The following ADAM18 variants were observed in gnomAD, a reference collection of about 807,000 sequenced individuals.
ADAM18 encodes the protein ADAM metallopeptidase domain 18.
Under a neutral mutation model 94.4 loss-of-function variants are expected in ADAM18, and 117 were observed. That is an observed-to-expected ratio of 1.24 (90% CI 1.07 to 1.45). ADAM18 has a LOEUF of 1.45. Ranked by LOEUF, ADAM18 falls within the 40% of genes most tolerant of loss-of-function variation. The pLI, the probability that ADAM18 is intolerant of heterozygous loss-of-function variation, is 0.00. For missense variants in ADAM18, 936 were observed against 880.0 expected, an observed-to-expected ratio of 1.06 and a Z score of -0.81; for synonymous variants, 327 against 291.6, an observed-to-expected ratio of 1.12 and a Z score of -1.24.
chr8:39,636,783 C>A (rs1820085447), intron 7 of ADAM18, among the ~76,000 whole-genome samples: 1 of 151,680 alleles, frequency 6.6e-6, no homozygotes, highest in South Asian at 2.1e-4. Context: ...TTCCACATTT[C>A]TCCCCACACT....
chr8:39,677,569 T>A (rs140646934), intron 15 of ADAM18, 33 bp downstream of exon 15: 1 of 1,484,322 alleles, frequency 6.7e-7, no homozygotes, highest in African/African-American at 1.4e-5. Context: ...CTTCTTTGAA[T>A]CATAAAAATT....
intron 14 of ADAM18, among the ~76,000 whole-genome samples, chr8:39,673,703 A>C (rs528805117): frequency 6.6e-6 from 1 of 152,024 alleles, no homozygotes; most frequent in Non-Finnish European, 1.5e-5. Flanking sequence ...TAGTTCTTTT[A>C]ATTGTGATGT....
In ADAM18 at chr8:39,609,543, G is replaced by A. The variant is rs1819201657; in HGVS notation, c.326G>A (p.Ser109Asn). The A allele has an allele frequency of 1.2e-6, 2 of 1,610,072 alleles. No homozygotes were observed. Among genetic ancestry groups the A allele is most frequent in the Non-Finnish European group, 1.7e-6 (2 of 1,177,348 alleles). The change falls in exon 5 of 20, where the codon AGT becomes AAT. Residue 109 changes from serine to asparagine, a missense_variant. By Grantham distance (46) the Ser-to-Asn change is conservative. Coordinates refer to ENST00000265707, the MANE Select transcript of ADAM18 (RefSeq NM_014237.3). ...TTTCCAAATTCATTTGTGACACTCA[G>A]TATATGTTCTGGTCTCAGGTAATAG... Reference protein sequence around the residue: ...AEFPNSFVTLSICSGLRGFLQ... With the variant: ...AEFPNSFVTLNICSGLRGFLQ...
chr8:39,586,786 ATCT>A (rs758362586), intron 2 of ADAM18, among the ~76,000 whole-genome samples: 1 of 137,836 alleles, frequency 7.3e-6, no homozygotes, highest in Non-Finnish European at 1.6e-5. Context: ...CTATCTATCT[ATCT>A]ATCTATCTAT....
intron 10 of ADAM18, among the ~76,000 whole-genome samples, chr8:39,640,026 T>C (rs1820192712): frequency 6.6e-6 from 1 of 152,102 alleles, no homozygotes; most frequent in Non-Finnish European, 1.5e-5. Context: ...ATTTTTTTAA[T>C]TCCAACTTTT....
At position 39,671,822 on chromosome 8, in the gene ADAM18, A is replaced by C. The variant is rs562326648; in HGVS notation, c.1525+3626A>C. On this transcript the variant is annotated intron_variant, in intron 14 of 19. Transcript: ENST00000265707. ...AGACAGGGATGTGATGGACTTTATA[A>C]AGCAGTAAGGAAACTATACTCCAAA... Among the ~76,000 whole-genome samples, 16 of 152,308 alleles carry C rather than the reference A, an allele frequency of 1.1e-4. No individual in the cohort carries two copies. The South Asian group carries it at 2.9e-3, about 28-fold the overall frequency.
At chr8:39,649,283 A>C (rs185222446) in intron 12 of ADAM18, among the ~76,000 whole-genome samples, 262 of 152,266 alleles carry the variant, frequency 1.7e-3, no homozygotes, top group African/African-American at 6.1e-3. Flanking sequence ...TAAAACCTAT[A>C]TGTATGAGGC....
chr8:39,675,173 T>C (rs1037645447), intron 14 of ADAM18, among the ~76,000 whole-genome samples: 9 of 152,222 alleles, frequency 5.9e-5, no homozygotes, highest in African/African-American at 2.2e-4. Flanking sequence ...TGGCCTGTCT[T>C]GTTAGGTTGG....
At chr8:39,718,430 A>C (rs1478248344) in intron 18 of ADAM18, among the ~76,000 whole-genome samples, 1 of 151,658 alleles carries the variant, frequency 6.6e-6, no homozygotes, top group East Asian at 1.9e-4. Flanking sequence ...TCTTGAGTAC[A>C]TGATGCTAAG....
At chr8:39,601,305 G>A (rs986392388) in intron 2 of ADAM18, among the ~76,000 whole-genome samples, 1 of 152,166 alleles carries the variant, frequency 6.6e-6, no homozygotes, top group African/African-American at 2.4e-5. Context: ...ATGTGGCAGG[G>A]GCCAGGTGGT....
chr8:39,608,655 G>T (rs1402609369), intron 3 of ADAM18, among the ~76,000 whole-genome samples: 2 of 151,942 alleles, frequency 1.3e-5, no homozygotes, highest in African/African-American at 4.8e-5. Context: ...CTTATCTATT[G>T]TCATCTAATT....
chr8:39,592,217 A>G (rs1290040576), intron 2 of ADAM18, among the ~76,000 whole-genome samples: 1 of 152,214 alleles, frequency 6.6e-6, no homozygotes, highest in Admixed American at 6.5e-5. Context: ...AATAAGCATT[A>G]ACAAGAGAGT....
intron 14 of ADAM18, among the ~76,000 whole-genome samples, chr8:39,670,790 A>G (rs1296049386): frequency 2.0e-5 from 3 of 152,390 alleles, no homozygotes; most frequent in South Asian, 2.1e-4. Context: ...GTCATCAAGT[A>G]GTCTTCAGCT....
At chr8:39,722,213 GTGTGTATATATATATATATATATATATA>G (rs1370023286) in intron 18 of ADAM18, among the ~76,000 whole-genome samples, 10 of 73,392 alleles carry the variant, frequency 1.4e-4, no homozygotes, top group Admixed American at 5.0e-4. Context: ...GTGTGTGTGT[GTGTGTATATATATATATATATATATATA>G]TATATATATA....
intron 14 of ADAM18, among the ~76,000 whole-genome samples, chr8:39,670,612 T>G (rs1270908706): frequency 3.3e-5 from 5 of 152,216 alleles, no homozygotes; most frequent in East Asian, 1.9e-4. Context: ...TTCAACCAGA[T>G]GGACATTGCC....
intron 13 of ADAM18, among the ~76,000 whole-genome samples, chr8:39,666,652 G>A (rs755613749): frequency 1.6e-4 from 24 of 152,228 alleles, no homozygotes; most frequent in Admixed American, 7.2e-4. Flanking sequence ...CTCACATGGC[G>A]GCAGACAAGA....
chr8:39,681,605 G>T lies in ADAM18; in HGVS notation c.1821+1379G>T, dbSNP rs113965741. On this transcript the variant is annotated intron_variant, in intron 16 of 19. Transcript: ENST00000265707. ...TGCTGTAACAAATACCTTAAAAATT[G>T]GGTATGAATATAGAACCAGGAAGTG... 4.0e-4 allele frequency among the ~76,000 whole-genome samples: 61 copies of T among 152,218 alleles called. 1 individual carries two copies. Among genetic ancestry groups the T allele is most frequent in the African/African-American group, 1.4e-3 (59 of 41,544 alleles).
chr8:39,694,190 AT>A (rs1821858719), intron 17 of ADAM18, among the ~76,000 whole-genome samples: 1 of 151,344 alleles, frequency 6.6e-6, no homozygotes, highest in African/African-American at 2.4e-5. Flanking sequence ...GAAAGAAAAA[AT>A]TTCAAGGCTT....
chr8:39,592,257 A>G (rs965646597), intron 2 of ADAM18, among the ~76,000 whole-genome samples: 1 of 152,178 alleles, frequency 6.6e-6, no homozygotes, highest in African/African-American at 2.4e-5. Flanking sequence ...AGACATTAAG[A>G]TTGGGTAGAA....
Sources: gnomAD v4.1 joint callset for allele counts (sites outside exome capture counted in the v4.1 genomes callset) on GRCh38, gnomAD v4.1.1 for gene constraint, MANE v1.5 for transcripts, NCBI Gene and HGNC (gene_info 2026-07-23, HGNC 2026-07-21) for gene names.